SEMA3A: variants seen among roughly 807,000 people sequenced by gnomAD.
The protein encoded by SEMA3A is semaphorin 3A, also known as semaphorin-3A.
Under a neutral mutation model 97.9 loss-of-function variants are expected in SEMA3A, and 29 were observed. That is an observed-to-expected ratio of 0.30 (90% confidence interval 0.22 to 0.40). SEMA3A has a LOEUF of 0.40. SEMA3A is among the 10% of genes least tolerant of loss of function. SEMA3A has a pLI of 1.00. For missense variants in SEMA3A, 763 were observed against 951.3 expected, an observed-to-expected ratio of 0.80 and a Z score of 2.60; for synonymous variants, 321 against 323.7, an observed-to-expected ratio of 0.99 and a Z score of 0.09.
chr7:84,012,358 G>A (rs113374035), intron 7 of SEMA3A, among the ~76,000 whole-genome samples: 8,210 of 152,132 alleles, frequency 0.054, 297 homozygotes, highest in African/African-American at 0.098. Context: ...TAAAATAAAT[G>A]ATTGATAGAA....
chr7:84,445,910 C>A (rs1013592636), intron 1 of SEMA3A, among the ~76,000 whole-genome samples: 1 of 151,250 alleles, frequency 6.6e-6, no homozygotes. Context: ...GCAATAAAAC[C>A]AAAAGTTTAC....
At chr7:83,985,942 A>G (rs989814179) in intron 12 of SEMA3A, among the ~76,000 whole-genome samples, 6 of 152,228 alleles carry the variant, frequency 3.9e-5, no homozygotes, top group Non-Finnish European at 8.8e-5. Context: ...GGCTAAAGCT[A>G]TGACTGGCGA....
intron 1 of SEMA3A, among the ~76,000 whole-genome samples, chr7:84,139,533 A>G (rs1584025396): frequency 6.6e-6 from 1 of 152,098 alleles, no homozygotes. Flanking sequence ...TGGAAAACAT[A>G]CTGACTGTAA....
Position 84,008,811 on chromosome 7 carries a change from G to A in SEMA3A, c.996-1314C>T, listed in dbSNP as rs186405582. Among the ~76,000 whole-genome samples the A allele has an allele frequency of 3.6e-3, 554 of 152,206 alleles. 8 individuals carry two copies. The highest frequency in any genetic ancestry group is 2.3e-3 in the Non-Finnish European group (158 of 68,018). On this transcript the variant is annotated intron_variant, in intron 9 of 16. Coordinates refer to ENST00000265362, the MANE Select transcript of SEMA3A (RefSeq NM_006080.3). ...TACATATATCACATGGCATTTCAGA[G>A]AGTAAACCTTAATAAATACTTACAG...
At chr7:83,997,373 A>G (rs1790263651) in intron 12 of SEMA3A, among the ~76,000 whole-genome samples, 2 of 152,194 alleles carry the variant, frequency 1.3e-5, no homozygotes, top group African/African-American at 4.8e-5. Context: ...GTATATAGCT[A>G]TGGCTTTAAT....
intron 4 of SEMA3A, among the ~76,000 whole-genome samples, chr7:84,088,910 T>C (rs1269446959): frequency 1.3e-5 from 2 of 152,080 alleles, no homozygotes; most frequent in Admixed American, 6.6e-5. Flanking sequence ...TCTTTCATGT[T>C]AATGTTTTTT....
chr7:84,468,106 A>T (rs956349204), intron 1 of SEMA3A, among the ~76,000 whole-genome samples: 1 of 152,210 alleles, frequency 6.6e-6, no homozygotes, highest in Non-Finnish European at 1.5e-5. Context: ...CAACGAACTC[A>T]TTGAAGAGTC....
intron 3 of SEMA3A, chr7:84,306,383 A>C (rs1362208355): frequency 1.3e-5 from 2 of 152,038 alleles, no homozygotes; most frequent in African/African-American, 2.4e-5. Context: ...TTGACAAATG[A>C]ATTTTATTCT....
intron 3 of SEMA3A, among the ~76,000 whole-genome samples, chr7:84,229,250 C>T (rs1799061715): frequency 6.6e-6 from 1 of 152,008 alleles, no homozygotes; most frequent in Non-Finnish European, 1.5e-5. Flanking sequence ...ATAATTCAGA[C>T]ATTCATTCAC....
chr7:84,402,444 C>CA (rs1391313254), intron 1 of SEMA3A, among the ~76,000 whole-genome samples: 4 of 152,094 alleles, frequency 2.6e-5, no homozygotes, highest in Admixed American at 6.5e-5. Context: ...GGACATTCCT[C>CA]AAAAAACTAT....
chr7:84,091,221 A>G (rs1257568526), intron 4 of SEMA3A, among the ~76,000 whole-genome samples: 21 of 93,318 alleles, frequency 2.3e-4, no homozygotes, highest in African/African-American at 6.5e-4. Flanking sequence ...AGAAAAGAAA[A>G]GAAAGAAAAG....
chr7:84,156,332 A>G (rs962978380), intron 1 of SEMA3A, among the ~76,000 whole-genome samples: 2 of 152,144 alleles, frequency 1.3e-5, no homozygotes, highest in Non-Finnish European at 2.9e-5. Flanking sequence ...GGTGTACCTT[A>G]TATGACAAAA....
At chr7:84,271,733 T>C (rs1800157306) in intron 3 of SEMA3A, among the ~76,000 whole-genome samples, 1 of 152,080 alleles carries the variant, frequency 6.6e-6, no homozygotes. Flanking sequence ...CAACCAAAGA[T>C]GCAAGATGAG....
At chr7:84,362,396 A>C (rs1312123268) in intron 2 of SEMA3A, among the ~76,000 whole-genome samples, 1 of 151,994 alleles carries the variant, frequency 6.6e-6, no homozygotes, top group Non-Finnish European at 1.5e-5. Flanking sequence ...TTTTATTATC[A>C]TTATTCAGGG....
At position 83,958,504 on chromosome 7, in the gene SEMA3A, C is replaced by T. The variant is rs866907894; in HGVS notation, c.*2867G>A. On this transcript the variant is annotated 3_prime_UTR_variant, in exon 17 of 17. Transcript: ENST00000265362. ...TATTTCCTACCTGGCAAAAAACATG[C>T]TTATTGAACGGGCACGCACCTTCCG... is the stretch of plus-strand genomic sequence containing the variant. 1 of 152,440 alleles carries T rather than the reference C, an allele frequency of 6.6e-6. No homozygotes were observed. Among genetic ancestry groups the T allele is most frequent in the Non-Finnish European group, 1.5e-5 (1 of 67,946 alleles). 9.4% of individuals were successfully genotyped at this position (152,440 alleles called of 1,614,324 possible).
At chr7:84,242,177 T>C (rs974818894) in intron 3 of SEMA3A, among the ~76,000 whole-genome samples, 7 of 152,088 alleles carry the variant, frequency 4.6e-5, no homozygotes, top group African/African-American at 7.2e-5. Context: ...AAGTCAATGG[T>C]AGTTTGATGG....
chr7:83,974,608 C>T (rs902234165), intron 15 of SEMA3A, among the ~76,000 whole-genome samples: 7 of 152,052 alleles, frequency 4.6e-5, no homozygotes, highest in East Asian at 1.9e-4. Flanking sequence ...GGCTGGGCTC[C>T]GGATTTTTGC....
chr7:84,068,014 G>C (rs12707605), intron 4 of SEMA3A, among the ~76,000 whole-genome samples: 25,839 of 110,514 alleles, frequency 0.23, 2,785 homozygotes, highest in African/African-American at 0.44. Flanking sequence ...CAAAGACTTG[G>C]AACCAACCCA....
intron 4 of SEMA3A, among the ~76,000 whole-genome samples, chr7:84,063,333 A>T (rs1311938107): frequency 1.3e-5 from 2 of 150,274 alleles, no homozygotes; most frequent in Non-Finnish European, 3.0e-5. Context: ...ACAGAACAGA[A>T]AAACTGGAAA....
Sources: gnomAD v4.1 joint callset for allele counts (sites outside exome capture counted in the v4.1 genomes callset) on GRCh38, gnomAD v4.1.1 for gene constraint, MANE v1.5 for transcripts, NCBI Gene and HGNC (gene_info 2026-07-23, HGNC 2026-07-21) for gene names.